Variants in OSBPL6 observed in about 807,000 individuals in gnomAD.
The protein encoded by OSBPL6 is oxysterol-binding protein-related protein 6.
Under a neutral mutation model 125.8 loss-of-function variants are expected in OSBPL6, and 49 were observed. That is an observed-to-expected ratio of 0.39 (90% CI 0.31 to 0.49). The LOEUF is 0.49. Among genes scored for constraint, OSBPL6 ranks in the 20% least tolerant of loss-of-function variants. The pLI is 0.88. For missense variants in OSBPL6, 986 were observed against 1,135.4 expected (o/e 0.87, Z 1.89); for synonymous variants, 394 against 391.8 (o/e 1.01, Z -0.07).
chr2:178,362,392 T>A (rs1164647755), intron 13 of OSBPL6, among the ~76,000 whole-genome samples: 1 of 152,216 alleles, frequency 6.6e-6, no homozygotes, highest in Non-Finnish European at 1.5e-5. Context: ...ATCAAATCCC[T>A]ATGTATCTAT....
In OSBPL6 at chr2:178,331,552, C is replaced by T. The variant is rs868120904; in HGVS notation, c.319C>T (p.Arg107Cys). The change falls in exon 6 of 25, where the codon CGT becomes TGT. Residue 107 changes from arginine to cysteine, a missense_variant and splice_region_variant. Physicochemically the swap from Arg to Cys is radical, Grantham distance 180. Coordinates refer to ENST00000190611, the MANE Select transcript of OSBPL6 (RefSeq NM_032523.4). Reference protein sequence around the residue: ...RKWPLKGWHKRFFVLDNGMLK... With the variant: ...RKWPLKGWHKCFFVLDNGMLK... The stretch of plus-strand genomic sequence containing the variant: ...AACTGGGGGTGTTTGGTTCTTGCAG[C>T]GTTTTTTTGTCCTGGATAATGGAAT... The T allele has an allele frequency of 5.6e-6, 9 of 1,613,872 alleles. No homozygotes were observed. The East Asian group carries it at 1.1e-4, about 20-fold the overall frequency.
chr2:178,258,042 A>G (rs527591279), intron 1 of OSBPL6, among the ~76,000 whole-genome samples: 1 of 152,134 alleles, frequency 6.6e-6, no homozygotes, highest in South Asian at 2.1e-4. Flanking sequence ...CCTTCCACCA[A>G]AGCCTCCCAA....
intron 4 of OSBPL6, among the ~76,000 whole-genome samples, chr2:178,325,478 A>G (rs1688619019): frequency 6.6e-6 from 1 of 152,232 alleles, no homozygotes; most frequent in South Asian, 2.1e-4. Flanking sequence ...ACTATAAAAC[A>G]TAAGTGGTCT....
At chr2:178,297,184 A>G (rs1412467065) in intron 2 of OSBPL6, among the ~76,000 whole-genome samples, 1 of 151,994 alleles carries the variant, frequency 6.6e-6, no homozygotes, top group Non-Finnish European at 1.5e-5. Flanking sequence ...GAGAGATTTT[A>G]TCTTGGGAAT....
rs531395956 is a variant in OSBPL6 at position 178,229,588 on chromosome 2, G to A, written c.-351+34914G>A. ...TTCACTGCTGTAATCCCAGCACTTT[G>A]GGAGGCCAAGGCGAGTGGATCTTTT... On this transcript the variant is annotated intron_variant, in intron 1 of 24. Transcript: ENST00000190611. Among the ~76,000 whole-genome samples the A allele has an allele frequency of 2.6e-5, 4 of 152,168 alleles. No individual in the cohort carries two copies. In the East Asian group the frequency reaches 7.7e-4, roughly 29 times the overall value.
At chr2:178,297,805 A>G (rs530730874) in intron 2 of OSBPL6, among the ~76,000 whole-genome samples, 11 of 152,372 alleles carry the variant, frequency 7.2e-5, no homozygotes, top group Admixed American at 6.5e-4. Context: ...TAATGTCTGC[A>G]TATTGTAGAA....
rs755367704 is a variant in OSBPL6 at position 178,373,949 on chromosome 2, C to T, written c.1455C>T (p.Arg485=). ...PLSQQVANES[R]LSMSESVSEF... is the part of the protein sequence containing the mutation. The stretch of plus-strand genomic sequence containing the variant: ...CACAGCAAGTAGCCAATGAGAGCCG[C>T]CTCTCCATGTCAGAGTCTGTTTCTG... The change falls in exon 15 of 25, where the codon CGC becomes CGT. Residue 485 remains arginine (R), a synonymous_variant. Coordinates refer to ENST00000190611, the MANE Select transcript of OSBPL6 (RefSeq NM_032523.4). The T allele has an allele frequency of 3.7e-6, 6 of 1,613,988 alleles. No individual in the cohort carries two copies. In the East Asian group the frequency reaches 1.3e-4, roughly 36 times the overall value.
chr2:178,253,211 G>C (rs997275112), intron 1 of OSBPL6, among the ~76,000 whole-genome samples: 2 of 152,014 alleles, frequency 1.3e-5, no homozygotes, highest in Non-Finnish European at 2.9e-5. Flanking sequence ...TAGTACAGAT[G>C]GGTTTTCACC....
chr2:178,382,351 T>G, intron 15 of OSBPL6, 69 bp from the exon 16 acceptor site: 1 of 1,508,400 alleles, frequency 6.6e-7, no homozygotes, highest in Non-Finnish European at 8.9e-7. Context: ...TTATTTTTAA[T>G]CATTTGATTA....
chr2:178,324,285 C>T lies in OSBPL6; in HGVS notation c.195+16C>T, dbSNP rs1434083. The stretch of plus-strand genomic sequence containing the variant: ...CCTCTCCAAGGTCAGTGATGAAATG[C>T]GGTGCTTTCTCTGCTGGCATGATGC... On this transcript the variant is annotated intron_variant, in intron 4 of 24. Coordinates refer to ENST00000190611, the MANE Select transcript of OSBPL6 (RefSeq NM_032523.4). The T allele has an allele frequency of 0.19, 293,886 of 1,531,024 alleles. 30,487 individuals are homozygous for T. The highest frequency in any genetic ancestry group is 0.4 in the Admixed American group (21,683 of 54,748). 94.8% of individuals were successfully genotyped at this position (1,531,024 alleles called of 1,614,324 possible).
chr2:178,383,342 A>G, intron 17 of OSBPL6, 65 bp downstream of exon 17: 1 of 1,541,994 alleles, frequency 6.5e-7, no homozygotes, highest in South Asian at 1.2e-5. Flanking sequence ...GGGCTAAGCC[A>G]GAATTCATTA....
intron 13 of OSBPL6, among the ~76,000 whole-genome samples, chr2:178,370,705 C>T (rs1693303627): frequency 6.6e-6 from 1 of 152,172 alleles, no homozygotes; most frequent in African/African-American, 2.4e-5. Context: ...CTCCTATCTC[C>T]AAATGTAATG....
intron 1 of OSBPL6, among the ~76,000 whole-genome samples, chr2:178,235,386 TTCTTTTC>T (rs2091006881): frequency 7.7e-6 from 1 of 129,506 alleles, no homozygotes; most frequent in Non-Finnish European, 1.6e-5. Context: ...TCTTTCCTTT[TTCTTTTC>T]TTTTCTTTTT....
chr2:178,210,821 A>C (rs390991), intron 1 of OSBPL6, among the ~76,000 whole-genome samples: 2,594 of 122,848 alleles, frequency 0.021, 67 homozygotes, highest in African/African-American at 0.088. Flanking sequence ...TCAAAAAAAA[A>C]AAACACACAC....
chr2:178,324,368 T>A, intron 4 of OSBPL6, 99 bp downstream of exon 4: 1 of 822,166 alleles, frequency 1.2e-6, no homozygotes, highest in Non-Finnish European at 1.9e-6. Flanking sequence ...CCTAAAATAC[T>A]TGTGATGCCA....
At chr2:178,345,504 T>G (rs1314746808) in intron 11 of OSBPL6, among the ~76,000 whole-genome samples, 1 of 152,246 alleles carries the variant, frequency 6.6e-6, no homozygotes, top group African/African-American at 2.4e-5. Flanking sequence ...CTCACAGTTT[T>G]GTAAACATTT....
rs1696062133 is a variant in OSBPL6, at chr2:178,400,196, C to T, written c.*4637C>T. 6.6e-6 allele frequency: 1 copy of T among 151,816 alleles called. No individual in the cohort carries two copies. The highest frequency in any genetic ancestry group is 2.1e-4 in the South Asian group (1 of 4,822). 9.4% of individuals were successfully genotyped at this position (151,816 alleles called of 1,614,324 possible). ...TAGACACCCACTTTCCCTTAATTCT[C>T]ATCTATTTAGTTTTTTAATAAAATT... is the stretch of plus-strand genomic sequence containing the variant. On this transcript the variant is annotated 3_prime_UTR_variant, in exon 25 of 25. Coordinates refer to ENST00000190611, the MANE Select transcript of OSBPL6 (RefSeq NM_032523.4).
At chr2:178,205,124 T>C (rs1393740679) in intron 1 of OSBPL6, among the ~76,000 whole-genome samples, 17 of 152,290 alleles carry the variant, frequency 1.1e-4, no homozygotes, top group Non-Finnish European at 2.5e-4. Context: ...CAAACCCAGT[T>C]TCCTGTAGCT....
At chr2:178,291,107 G>T (rs1411144827) in intron 2 of OSBPL6, among the ~76,000 whole-genome samples, 5 of 146,384 alleles carry the variant, frequency 3.4e-5, no homozygotes, top group Admixed American at 6.8e-5. Context: ...ACTATGAGGT[G>T]TTTTTTTTTT....
Sources: allele counts gnomAD v4.1 joint callset (sites outside exome capture counted in the v4.1 genomes callset), GRCh38; gene constraint gnomAD v4.1.1; transcripts MANE v1.5; gene names NCBI Gene and HGNC (gene_info 2026-07-23, HGNC 2026-07-21).